OPALIN: variants seen among roughly 807,000 people sequenced by gnomAD.
The protein encoded by OPALIN is oligodendrocytic myelin paranodal and inner loop protein.
In OPALIN, 15 loss-of-function variants were observed where a neutral mutation model predicts 17.8. That is an observed-to-expected ratio of 0.84 (90% CI 0.56 to 1.29). The LOEUF is 1.29. Ranked by LOEUF, OPALIN falls within the 50% of genes most tolerant of loss-of-function variation. The probability of loss-of-function intolerance (pLI) is 0.00; values close to 1 mark genes in which losing one functional copy is unlikely to be tolerated. For missense variants in OPALIN, 170 were observed against 176.0 expected, an observed-to-expected ratio of 0.97 and a Z score of 0.19; for synonymous variants, 62 against 63.8, an observed-to-expected ratio of 0.97 and a Z score of 0.14.
At chr10:96,358,186 T>TTAAAAAAAAAAAA (rs1845888089) in intron 1 of OPALIN, among the ~76,000 whole-genome samples, 1 of 61,590 alleles carries the variant, frequency 1.6e-5, no homozygotes, top group South Asian at 1.1e-3. Context: ...ATGCTTTTTG[T>TTAAAAAAAAAAAA]AAAAAAAAAA....
chr10:96,356,777 C>T lies in OPALIN; in HGVS notation c.4-1487G>A, dbSNP rs568277925. 550 of 566,082 alleles carry T rather than the reference C, an allele frequency of 9.7e-4. 1 individual carries two copies. The highest frequency in any genetic ancestry group is 1.2e-3 in the Non-Finnish European group (515 of 446,684). 35.1% of individuals were successfully genotyped at this position (566,082 alleles called of 1,614,324 possible). On this transcript the variant is annotated intron_variant, in intron 1 of 5. Coordinates refer to ENST00000371172, the MANE Select transcript of OPALIN (RefSeq NM_033207.5). ...TCAACGTGGCCCTGCTCAACTAGCA[C>T]GCTTCAGTGGTGCCTCTGCTCACTT... is the stretch of plus-strand genomic sequence containing the variant.
In OPALIN at chr10:96,349,822, C is replaced by T. The variant is rs1845500822; in HGVS notation, c.77G>A (p.Cys26Tyr). ...CGCCGCTAATCCAAGAGAGGGCCCA[C>T]AGTCCTGGCACAGAATGAAAAACAC... ...SPVTGGKETDCGPSLGLAAGI... is the reference protein window; with the variant it reads ...SPVTGGKETDYGPSLGLAAGI... The change falls in exon 4 of 6, where the codon TGT becomes TAT. Residue 26 changes from cysteine (C) to tyrosine (Y), a missense_variant. Transcript: ENST00000371172. 6.2e-7 allele frequency: 1 copy of T among 1,613,388 alleles called. No individual in the cohort carries two copies. The highest frequency in any genetic ancestry group is 1.1e-5 in the South Asian group (1 of 90,954).
intron 3 of OPALIN, among the ~76,000 whole-genome samples, chr10:96,350,210 T>G (rs1250744493): frequency 6.6e-6 from 1 of 152,168 alleles, no homozygotes; most frequent in Non-Finnish European, 1.5e-5. Flanking sequence ...GCTTTTATTA[T>G]ACACCACACT....
At chr10:96,353,541 A>T (rs565534650) in intron 2 of OPALIN, 2 of 923,132 alleles carry the variant, frequency 2.2e-6, no homozygotes, top group Non-Finnish European at 3.6e-6. Flanking sequence ...ACACGGGATC[A>T]AAGGGGTGAA....
chr10:96,349,318 C>A (rs1474198121), intron 4 of OPALIN, among the ~76,000 whole-genome samples: 1 of 152,138 alleles, frequency 6.6e-6, no homozygotes, highest in Non-Finnish European at 1.5e-5. Context: ...ACCTCAGCCC[C>A]TCTTCATCTC....
Position 96,343,584 on chromosome 10 carries a change from C to A in OPALIN, c.*2357G>T, listed in dbSNP as rs1273536200. 1 of 152,178 alleles carries A rather than the reference C, an allele frequency of 6.6e-6. No homozygotes were observed. Among genetic ancestry groups the A allele is most frequent in the African/African-American group, 2.4e-5 (1 of 41,436 alleles). The allele number at this position is 152,178 out of a possible 1,614,324, so 9.4% of individuals were successfully genotyped here. On this transcript the variant is annotated 3_prime_UTR_variant, in exon 6 of 6. Transcript: ENST00000371172. ...CACCTATAAGTATCAAAGCCAAGGCCACGGCTGAGTTCTCAGTAAATCCAA... is the reference window on the plus strand; with the variant it reads ...CACCTATAAGTATCAAAGCCAAGGCAACGGCTGAGTTCTCAGTAAATCCAA...
At chr10:96,354,114 T>C (rs1161478775) in intron 2 of OPALIN, among the ~76,000 whole-genome samples, 79 of 152,176 alleles carry the variant, frequency 5.2e-4, no homozygotes, top group Non-Finnish European at 4.4e-5. Flanking sequence ...CAGAAAAATG[T>C]GGCACAGCCA....
Position 96,345,892 on chromosome 10 carries a change from T to G in OPALIN, c.*49A>C. ...CCTCTCCAAGTACAAAACCCTGGGT[T>G]TTCAACCCTGTTCCAGTGCCAGGTC... On this transcript the variant is annotated 3_prime_UTR_variant, in exon 6 of 6. Coordinates refer to ENST00000371172, the MANE Select transcript of OPALIN (RefSeq NM_033207.5). 6.3e-7 allele frequency: 1 copy of G among 1,586,946 alleles called. No homozygotes were observed. The highest frequency in any genetic ancestry group is 8.6e-7 in the Non-Finnish European group (1 of 1,164,188).
At position 96,349,788 on chromosome 10, in the gene OPALIN, T is replaced by C. The variant is rs1400851608; in HGVS notation, c.111A>G (p.Pro37=). ...GPSLGLAAGI[P]LLVATALLVA... ...CCAGCAGGGCTGTGGCCACCAGCAA[T>C]GGTATGCCCGCCGCTAATCCAAGAG... The change falls in exon 4 of 6, where the codon CCA becomes CCG. Residue 37 remains proline, a synonymous_variant. Transcript: ENST00000371172. 1.9e-6 allele frequency: 3 copies of C among 1,608,834 alleles called. No homozygotes were observed. The highest frequency in any genetic ancestry group is 2.2e-5 in the South Asian group (2 of 90,954).
chr10:96,348,393 G>T, intron 4 of OPALIN, 48 bp from the exon 5 acceptor site: 2 of 948,856 alleles, frequency 2.1e-6, no homozygotes, highest in Non-Finnish European at 3.4e-6. Context: ...AAGAAGAAGT[G>T]AAGGGTTATA....
At chr10:96,355,990 T>A (rs2134033828) in intron 1 of OPALIN, among the ~76,000 whole-genome samples, 1 of 152,362 alleles carries the variant, frequency 6.6e-6, no homozygotes, top group African/African-American at 2.4e-5. Context: ...TTCTCCTCCC[T>A]GTCCCTAGCC....
chr10:96,354,839 T>C (rs2134029797), intron 2 of OPALIN, among the ~76,000 whole-genome samples: 1 of 150,826 alleles, frequency 6.6e-6, no homozygotes, highest in South Asian at 2.1e-4. Flanking sequence ...CTCACACCTA[T>C]AATCCCAGCA....
intron 3 of OPALIN, among the ~76,000 whole-genome samples, chr10:96,350,301 C>T (rs570679752): frequency 2.1e-4 from 32 of 152,254 alleles, no homozygotes; most frequent in African/African-American, 6.7e-4. Context: ...CTGCAACCTC[C>T]GCCTCCTGGA....
intron 5 of OPALIN, among the ~76,000 whole-genome samples, chr10:96,347,824 T>A (rs1320676323): frequency 1.3e-5 from 2 of 152,222 alleles, no homozygotes; most frequent in African/African-American, 2.4e-5. Flanking sequence ...ATCTAAAGTA[T>A]AATATTGAAT....
intron 3 of OPALIN, among the ~76,000 whole-genome samples, chr10:96,350,219 CT>C (rs1366528429): frequency 7.4e-5 from 11 of 149,632 alleles, no homozygotes; most frequent in Non-Finnish European, 7.4e-5. Context: ...ATACACCACA[CT>C]TTTTTTTTTG....
At chr10:96,356,796 C>T in intron 1 of OPALIN, 1 of 756,696 alleles carries the variant, frequency 1.3e-6, no homozygotes, top group Non-Finnish European at 1.6e-6. Context: ...GGTGCCTCTG[C>T]TCACTTCTCC....
rs149436840 is a variant in OPALIN at position 96,350,595 on chromosome 10, C to T, written c.73-769G>A. Among the ~76,000 whole-genome samples, 127 of 152,314 alleles carry T rather than the reference C, an allele frequency of 8.3e-4. 1 individual carries two copies. The East Asian group carries it at 0.02, about 24-fold the overall frequency. ...CGAGTTAATGGGTGCAGCACACCAA[C>T]GTGGCACATGTATACATATGTAACA... is the stretch of plus-strand genomic sequence containing the variant. On this transcript the variant is annotated intron_variant, in intron 3 of 5. Transcript: ENST00000371172.
At position 96,346,101 on chromosome 10, in the gene OPALIN, G is replaced by A. The variant is rs1296983857; in HGVS notation, c.266C>T (p.Pro89Leu). 4 of 1,613,748 alleles carry A rather than the reference G, an allele frequency of 2.5e-6. No individual in the cohort carries two copies. Among genetic ancestry groups the A allele is most frequent in the Non-Finnish European group, 3.4e-6 (4 of 1,179,836 alleles). ...PKISENPRRS[P>L]THEKNTMGAQ... is the part of the protein sequence containing the mutation. ...TCCCATCGTATTCTTCTCATGTGTGGGTGATCTCCTAGGATTCTTAAGGAA... is the reference window on the plus strand; with the variant it reads ...TCCCATCGTATTCTTCTCATGTGTGAGTGATCTCCTAGGATTCTTAAGGAA... The change falls in exon 6 of 6, where the codon CCC becomes CTC. Residue 89 changes from proline to leucine, a missense_variant. Coordinates refer to ENST00000371172, the MANE Select transcript of OPALIN (RefSeq NM_033207.5).
Position 96,344,796 on chromosome 10 carries a change from A to G in OPALIN, c.*1145T>C, listed in dbSNP as rs1432369196. On this transcript the variant is annotated 3_prime_UTR_variant, in exon 6 of 6. Transcript: ENST00000371172. ...AGTTAAAGTTATTTGAGGAACTGCC[A>G]TCAGAGGTATCATAATGTCTTACTT... 2 of 152,250 alleles carry G rather than the reference A, an allele frequency of 1.3e-5. No homozygotes were observed. Among genetic ancestry groups the G allele is most frequent in the Non-Finnish European group, 2.9e-5 (2 of 68,042 alleles). 9.4% of individuals were successfully genotyped at this position (152,250 alleles called of 1,614,324 possible). A position where few individuals can be genotyped will look rare whatever the true frequency, so the allele number is the denominator to read the frequency against.
Sources: gnomAD v4.1 joint callset for allele counts (sites outside exome capture counted in the v4.1 genomes callset) on GRCh38, gnomAD v4.1.1 for gene constraint, MANE v1.5 for transcripts, NCBI Gene and HGNC (gene_info 2026-07-23, HGNC 2026-07-21) for gene names.